Variants in ITGB4 observed in about 807,000 individuals in gnomAD.
ITGB4 encodes integrin beta-4.
ITGB4 carries 159 observed loss-of-function variants against 207.6 expected under a neutral mutation model. The ratio of observed to expected loss-of-function variants is 0.77; its 90% CI spans 0.67 to 0.87. The LOEUF (loss-of-function observed/expected upper bound fraction) is 0.87, where lower values mean the gene tolerates loss of function less well. Among genes scored for constraint, ITGB4 ranks in the 40% least tolerant of loss-of-function variants. The pLI, the probability that ITGB4 is intolerant of heterozygous loss-of-function variation, is 0.00. For missense variants in ITGB4, 2,278 were observed against 2,546.8 expected (o/e 0.89, Z 2.27); for synonymous variants, 1,020 against 1,062.7 (o/e 0.96, Z 0.78).
At chr17:75,755,234 C>G in intron 34 of ITGB4, 2 of 1,595,108 alleles carry the variant, frequency 1.3e-6, no homozygotes, top group Non-Finnish European at 1.7e-6. Context: ...GGTGGCCATC[C>G]TGTCTCCACA....
chr17:75,728,246 T>C, intron 5 of ITGB4, 131 bp from the exon 6 acceptor site: 2 of 746,998 alleles, frequency 2.7e-6, no homozygotes, highest in South Asian at 1.5e-5. Context: ...GTTGTGAGCA[T>C]GAACCTTTGT....
In ITGB4 at chr17:75,757,228, C is replaced by T. The variant is rs766721134; in HGVS notation, c.5247C>T (p.Ala1749=). The T allele has an allele frequency of 6.2e-6, 10 of 1,611,918 alleles. No individual in the cohort carries two copies. Among genetic ancestry groups the T allele is most frequent in the Middle Eastern group, 1.6e-4 (1 of 6,084 alleles). The change falls in exon 39 of 40, where the codon GCC becomes GCT. Residue 1749 remains alanine (A), a synonymous_variant. Transcript: ENST00000200181. ...CCTTCCCGCAGCTGGGCAGCCGTGC[C>T]GGGCTCTTCCAGCACCCGCTGCAAA... The part of the protein sequence containing the change: ...GGPFPQLGSR[A]GLFQHPLQSE...
intron 16 of ITGB4, 130 bp downstream of exon 16, chr17:75,736,824 C>A: frequency 9.5e-7 from 1 of 1,053,138 alleles, no homozygotes; most frequent in Non-Finnish European, 1.4e-6. Flanking sequence ...ACAGGAACTC[C>A]AGAGCTGGGA....
intron 13 of ITGB4, among the ~76,000 whole-genome samples, chr17:75,734,023 C>T (rs958459171): frequency 1.3e-5 from 2 of 152,140 alleles, no homozygotes; most frequent in Non-Finnish European, 2.9e-5. Flanking sequence ...AGAGTGGGTG[C>T]CACCCAGCTC....
Position 75,740,909 on chromosome 17 carries a change from G to A in ITGB4, c.2609+58G>A. On this transcript the variant is annotated intron_variant, in intron 22 of 39. Transcript: ENST00000200181. This position sits in a 1 kb window ranked among gnomAD's most constrained non-coding sequence, Gnocchi z 5.9. ...AGCCGCTCCTACCGGGACTCCAGGA[G>A]CCGAAGCCCCCAGGCCGATCAGGCC... 6.2e-7 allele frequency: 1 copy of A among 1,613,382 alleles called. No individual in the cohort carries two copies. The highest frequency in any genetic ancestry group is 1.3e-5 in the African/African-American group (1 of 75,042).
In ITGB4 at chr17:75,733,549, G is replaced by A. The variant is rs151163670; in HGVS notation, c.1514G>A (p.Arg505Gln). The change falls in exon 13 of 40, where the codon CGG (arginine) becomes CAG (glutamine). Residue 505 changes from arginine to glutamine, a missense_variant. By Grantham distance (43) the Arg-to-Gln change is conservative. Transcript: ENST00000200181. ...GSLSDIQPCL[R>Q]EGEDKPCSGR... is the part of the protein sequence containing the mutation. ...CTGAGTGACATTCAGCCCTGCCTGC[G>A]GGAGGGCGAGGACAAGCCGTGCTCC... The A allele has an allele frequency of 1.1e-5, 18 of 1,613,810 alleles. No individual in the cohort carries two copies. The highest frequency in any genetic ancestry group is 5.5e-5 in the South Asian group (5 of 91,074).
In ITGB4 at chr17:75,748,853, G is replaced by C. The variant is rs141564265; in HGVS notation, c.3124G>C (p.Val1042Leu). The C allele has an allele frequency of 6.2e-7, 1 of 1,610,558 alleles. No homozygotes were observed. The highest frequency in any genetic ancestry group is 1.1e-5 in the South Asian group (1 of 90,394). Residue 1042 changes from valine (V) to leucine (L), a missense_variant, in exon 27 of 40, where the codon GTG becomes CTG. By Grantham distance (32) the Val-to-Leu change is conservative. Coordinates refer to ENST00000200181, the MANE Select transcript of ITGB4 (RefSeq NM_000213.5). ...CCTCCACTCCCAGGACTACATCCCC[G>C]TGGAGGGTGAGCTGCTGTTCCAGCC... ...TAQGNRDYIP[V>L]EGELLFQPGE...
At position 75,753,835 on chromosome 17, in the gene ITGB4, C is replaced by T. The variant is rs762271915; in HGVS notation, c.4179C>T (p.Pro1393=). ...LDLRRVTWRL[P]PELIPRLSAS... is the part of the protein sequence containing the mutation. ...TGCGGCGCGTCACGTGGCGGCTGCC[C>T]CCGGAGCTCATCCCGCGCCTGTCGG... The change falls in exon 33 of 40, where the codon CCC becomes CCT. Residue 1393 remains proline, a synonymous_variant. Coordinates refer to ENST00000200181, the MANE Select transcript of ITGB4 (RefSeq NM_000213.5). 3.2e-5 allele frequency: 46 copies of T among 1,446,868 alleles called. No individual in the cohort carries two copies. The highest frequency in any genetic ancestry group is 5.8e-5 in the African/African-American group (4 of 69,328). 89.6% of individuals were successfully genotyped at this position (1,446,868 alleles called of 1,614,324 possible).
chr17:75,756,313 C>T (rs1307275618), intron 35 of ITGB4, 116 bp from the exon 36 acceptor site: 3 of 1,138,234 alleles, frequency 2.6e-6, no homozygotes, highest in East Asian at 2.5e-5. Context: ...ACCCAAACCA[C>T]AGCTAGTCCT....
Position 75,750,882 on chromosome 17 carries a change from C to T in ITGB4, c.3655+22C>T. 6.2e-7 allele frequency: 1 copy of T among 1,613,476 alleles called. No homozygotes were observed. The highest frequency in any genetic ancestry group is 2.2e-5 in the East Asian group (1 of 44,882). ...GAAGGTGAGGCCTCGCCATGTCTGT[C>T]CATTTGTCCCCTGGCTGCCCTGATG... On this transcript the variant is annotated intron_variant, in intron 29 of 39. Coordinates refer to ENST00000200181, the MANE Select transcript of ITGB4 (RefSeq NM_000213.5). The surrounding 1 kb of genome is among the most constrained non-coding windows in gnomAD (Gnocchi z 5.5).
Position 75,756,994 on chromosome 17 carries a change from C to T in ITGB4, c.5105C>T (p.Thr1702Ile), listed in dbSNP as rs139181455. ...VDGDSPESRLTVPGLSENVPY... is the reference protein window; with the variant it reads ...VDGDSPESRLIVPGLSENVPY... ...GGAGACAGCCCCGAGAGCCGGCTGA[C>T]CGTGCCGGGCCTCAGCGAGAACGTG... The change falls in exon 38 of 40, where the codon ACC (threonine) becomes ATC (isoleucine). Residue 1702 changes from threonine (T) to isoleucine (I), a missense_variant. Transcript: ENST00000200181. 36 of 1,612,862 alleles carry T rather than the reference C, an allele frequency of 2.2e-5. No individual in the cohort carries two copies. The highest frequency in any genetic ancestry group is 2.2e-4 in the South Asian group (20 of 91,076).
At position 75,756,743 on chromosome 17, in the gene ITGB4, C is replaced by T. The variant is rs563796869; in HGVS notation, c.4937C>T (p.Pro1646Leu). Residue 1646 changes from proline to leucine, a missense_variant, in exon 37 of 40, where the codon CCG (proline) becomes CTG (leucine). Transcript: ENST00000200181. ...TTGAGCACTCCCAGTGCCCCAGGCC[C>T]GCTGGTGTTCACTGCCCTGAGCCCA... ...FTLSTPSAPG[P>L]LVFTALSPDS... 26 of 1,613,104 alleles carry T rather than the reference C, an allele frequency of 1.6e-5. No individual in the cohort carries two copies. Among genetic ancestry groups the T allele is most frequent in the East Asian group, 6.7e-5 (3 of 44,884 alleles).
Position 75,733,471 on chromosome 17 carries a change from T to C in ITGB4, c.1455-19T>C. On this transcript the variant is annotated intron_variant, in intron 12 of 39. Coordinates refer to ENST00000200181, the MANE Select transcript of ITGB4 (RefSeq NM_000213.5). ...TTTCCTCCTGGGCTGTTTCGGGGAA[T>C]GACCAGTTCCTCCTTCAGGAGTGGC... The C allele has an allele frequency of 6.2e-7, 1 of 1,610,436 alleles. No individual in the cohort carries two copies. The highest frequency in any genetic ancestry group is 8.5e-7 in the Non-Finnish European group (1 of 1,178,284).
intron 33 of ITGB4, 159 bp from the exon 34 acceptor site, chr17:75,754,417 A>G: frequency 1.2e-6 from 1 of 849,588 alleles, no homozygotes; most frequent in Non-Finnish European, 1.9e-6. Context: ...TCCTGCAGGG[A>G]CAGAGGGCCT....
chr17:75,737,179 C>T (rs2060996752), intron 16 of ITGB4, 143 bp from the exon 17 acceptor site: 2 of 1,077,370 alleles, frequency 1.9e-6, no homozygotes, highest in Non-Finnish European at 2.7e-6. Context: ...GAGAGCACGG[C>T]TTTGCAAGGA....
intron 36 of ITGB4, 42 bp from the exon 37 acceptor site, chr17:75,756,662 C>T (rs1373608764): frequency 1.2e-6 from 2 of 1,613,122 alleles, no homozygotes; most frequent in South Asian, 2.2e-5. Context: ...ATCATGCCCA[C>T]CACCCACCCA....
rs751249045 is a variant in ITGB4, at chr17:75,736,641, G to T, written c.1937G>T (p.Arg646Leu). ...TGGGGCACCGGCGAGAAGAAGGGGC[G>T]CACGTGTGAGGAATGCAACTTCAAG... ...QAWGTGEKKG[R>L]TCEECNFKVK... is the part of the protein sequence containing the mutation. Residue 646 changes from arginine to leucine, a missense_variant, in exon 16 of 40, where the codon CGC becomes CTC. Physicochemically the swap from Arg to Leu is moderately radical, Grantham distance 102 (BLOSUM62 -2). Transcript: ENST00000200181. 7 of 1,600,274 alleles carry T rather than the reference G, an allele frequency of 4.4e-6. No homozygotes were observed. Among genetic ancestry groups the T allele is most frequent in the South Asian group, 1.1e-5 (1 of 88,402 alleles).
chr17:75,734,713 C>T lies in ITGB4; in HGVS notation c.1657+1021C>T, dbSNP rs2060938539. Among the ~76,000 whole-genome samples the T allele has an allele frequency of 2.0e-5, 3 of 152,198 alleles. No individual in the cohort carries two copies. In the South Asian group the frequency reaches 6.2e-4, roughly 31 times the overall value. ...TTTCTTCTGTTCTTGCTTTTGTTCA[C>T]CATTTCTTCTCTTCGACTGTCTGTC... On this transcript the variant is annotated intron_variant, in intron 13 of 39. Coordinates refer to ENST00000200181, the MANE Select transcript of ITGB4 (RefSeq NM_000213.5).
At chr17:75,748,236 G>A (rs1203634328) in intron 26 of ITGB4, among the ~76,000 whole-genome samples, 4 of 148,300 alleles carry the variant, frequency 2.7e-5, no homozygotes, top group Admixed American at 1.4e-4. Context: ...TGTGGTGCAC[G>A]CCTGTAGTCC....
Sources: gnomAD v4.1 joint callset for allele counts (sites outside exome capture counted in the v4.1 genomes callset) on GRCh38, gnomAD v4.1.1 for gene constraint, Gnocchi (gnomAD v3.1) non-coding constraint, MANE v1.5 for transcripts, NCBI Gene and HGNC (gene_info 2026-07-23, HGNC 2026-07-21) for gene names.